Variants in TMED9 observed in about 807,000 individuals in gnomAD.
TMED9 encodes the protein transmembrane emp24 domain-containing protein 9.
Under a neutral mutation model 30.6 loss-of-function variants are expected in TMED9, and 22 were observed. The ratio of observed to expected loss-of-function variants is 0.72; its 90% CI spans 0.51 to 1.03. The LOEUF is 1.03. TMED9 is among the 50% of genes least tolerant of loss of function. The pLI, the probability that TMED9 is intolerant of heterozygous loss-of-function variation, is 0.00. For synonymous variants in TMED9, 146 were observed against 122.8 expected, an observed-to-expected ratio of 1.19 and a Z score of -1.25; for missense variants, 251 against 302.1, an observed-to-expected ratio of 0.83 and a Z score of 1.25.
At chr5:177,594,972 C>T (rs1165824884) in intron 4 of TMED9, among the ~76,000 whole-genome samples, 4 of 152,198 alleles carry the variant, frequency 2.6e-5, no homozygotes, top group African/African-American at 9.6e-5. Context: ...AGCAAGTCCA[C>T]TCCTGTGTGC....
chr5:177,593,538 G>C (rs141565270), intron 2 of TMED9, 112 bp from the exon 3 acceptor site: 139 of 1,306,512 alleles, frequency 1.1e-4, no homozygotes, highest in Admixed American at 1.7e-4. Flanking sequence ...AGTGTTGTGA[G>C]GTGCGAAAGG....
intron 1 of TMED9, 59 bp downstream of exon 1, chr5:177,592,457 G>C (rs1300380937): frequency 6.4e-7 from 1 of 1,556,976 alleles, no homozygotes; most frequent in African/African-American, 1.4e-5. Context: ...TGGGGCGGGG[G>C]ATGCGAGACA....
rs753959129 is a variant in TMED9, at chr5:177,592,394, C to T, written c.180C>T (p.Val60=). 1.3e-6 allele frequency: 2 copies of T among 1,597,692 alleles called. No individual in the cohort carries two copies. Residue 60 remains valine, a synonymous_variant, in exon 1 of 5, where the codon GTC becomes GTT. Coordinates refer to ENST00000332598, the MANE Select transcript of TMED9 (RefSeq NM_017510.6). Reference sequence around the variant, plus strand: ...AGGAGATCCCGGACGAGACCATGGTCATAGGTGCGGGGGCGGGGAGGAAGG... The same window carrying T: ...AGGAGATCCCGGACGAGACCATGGTTATAGGTGCGGGGGCGGGGAGGAAGG... The part of the protein sequence containing the change: ...FIEEIPDETM[V]IGNYRTQLYD...
chr5:177,595,543 C>T lies in TMED9; in HGVS notation c.*127C>T, dbSNP rs2127507945. On this transcript the variant is annotated 3_prime_UTR_variant, in exon 5 of 5. Coordinates refer to ENST00000332598, the MANE Select transcript of TMED9 (RefSeq NM_017510.6). Reference sequence around the variant, plus strand: ...CTGGAAGGGAGAGGGGCTGGAGGCACCCACAGGCACAAGCTGAAGGCAGCA... The same window carrying T: ...CTGGAAGGGAGAGGGGCTGGAGGCATCCACAGGCACAAGCTGAAGGCAGCA... The T allele has an allele frequency of 3.4e-6, 4 of 1,167,916 alleles. No homozygotes were observed. Among genetic ancestry groups the T allele is most frequent in the Middle Eastern group, 2.3e-4 (1 of 4,444 alleles). 72.3% of individuals were successfully genotyped at this position (1,167,916 alleles called of 1,614,324 possible).
intron 4 of TMED9, among the ~76,000 whole-genome samples, chr5:177,594,682 C>T (rs150564158): frequency 1.4e-4 from 22 of 152,362 alleles, no homozygotes; most frequent in African/African-American, 4.3e-4. Context: ...TTCAGTGTCA[C>T]CTGGGGGCTT....
Position 177,592,693 on chromosome 5 carries a change from CT to C in TMED9, c.285+19del, listed in dbSNP as rs750691701. ...AGGACAAGGTGAGCCAACCGCCCCC[CT>C]CCTCTCCGCCAGCCTCTCAGCTAGG... On this transcript the variant is annotated intron_variant, in intron 2 of 4. Coordinates refer to ENST00000332598, the MANE Select transcript of TMED9 (RefSeq NM_017510.6). 453 of 1,547,796 alleles carry C rather than the reference CT, an allele frequency of 2.9e-4. 1 individual carries two copies. The African/African-American group carries it at 5.7e-3, about 19-fold the overall frequency.
rs758158579 is a variant in TMED9 at position 177,592,407 on chromosome 5, G to A, written c.184+9G>A. The A allele has an allele frequency of 8.8e-6, 14 of 1,591,050 alleles. No homozygotes were observed. The South Asian group carries it at 1.5e-4, about 17-fold the overall frequency. ...CGAGACCATGGTCATAGGTGCGGGG[G>A]CGGGGAGGAAGGGGCGAGTTTGGAA... On this transcript the variant is annotated intron_variant, in intron 1 of 4. Transcript: ENST00000332598.
Position 177,595,375 on chromosome 5 carries a change from C to G in TMED9, c.667C>G (p.Arg223Gly). The G allele has an allele frequency of 6.2e-7, 1 of 1,612,606 alleles. No individual in the cohort carries two copies. The highest frequency in any genetic ancestry group is 8.5e-7 in the Non-Finnish European group (1 of 1,178,946). The stretch of plus-strand genomic sequence containing the variant: ...CGTGGCCATCGGTGTCTGGCAGATG[C>G]GGCACCTCAAGAGCTTCTTTGAAGC... ...ILVAIGVWQM[R>G]HLKSFFEAKK... The change falls in exon 5 of 5, where the codon CGG becomes GGG. Residue 223 changes from arginine to glycine, a missense_variant. By Grantham distance (125) the Arg-to-Gly change is moderately radical (BLOSUM62 -2). Transcript: ENST00000332598.
At chr5:177,593,487 C>G (rs776775254) in intron 2 of TMED9, 163 bp from the exon 3 acceptor site, 74 of 860,136 alleles carry the variant, frequency 8.6e-5, no homozygotes, top group Non-Finnish European at 1.2e-4. Context: ...AGTTCTCACA[C>G]AAGCATATGG....
At chr5:177,593,155 C>CAAAAAAAA (rs56909658) in intron 2 of TMED9, 1 of 95,726 alleles carries the variant, frequency 1.0e-5, no homozygotes, top group African/African-American at 4.1e-5. Flanking sequence ...AGTAAAAATA[C>CAAAAAAAA]AAAAAAAAAA....
intron 4 of TMED9, 34 bp downstream of exon 4, chr5:177,594,319 C>T: frequency 6.2e-7 from 1 of 1,609,080 alleles, no homozygotes. Context: ...TGGGCTTCTC[C>T]CTAGAAGCTG....
rs764462207 is a variant in TMED9 at position 177,597,099 on chromosome 5, A to G, written c.*1683A>G. Among the ~76,000 whole-genome samples, 2 of 136,756 alleles carry G rather than the reference A, an allele frequency of 1.5e-5. No homozygotes were observed. The highest frequency in any genetic ancestry group is 3.1e-5 in the Non-Finnish European group (2 of 64,514). 89.7% of individuals were successfully genotyped at this position (136,756 alleles called of 152,430 possible). ...GCAATCTGGGCTCATGCTGCCAACT[A>G]ATTCTTCCACATGAAAAAAAAAAGT... On this transcript the variant is annotated 3_prime_UTR_variant, in exon 5 of 5. Coordinates refer to ENST00000332598, the MANE Select transcript of TMED9 (RefSeq NM_017510.6).
chr5:177,594,217 T>C lies in TMED9; in HGVS notation c.490T>C (p.Leu164=), dbSNP rs544164322. The change falls in exon 4 of 5, where the codon TTG becomes CTG. Residue 164 remains leucine, a synonymous_variant. Coordinates refer to ENST00000332598, the MANE Select transcript of TMED9 (RefSeq NM_017510.6). ...EIAAKDKLSE[L]QLRVRQLVEQ... ...TGCTGCTAAAGACAAGTTGAGTGAG[T>C]TGCAGCTACGAGTGCGACAGCTGGT... 6.2e-7 allele frequency: 1 copy of C among 1,614,114 alleles called. No homozygotes were observed. Among genetic ancestry groups the C allele is most frequent in the East Asian group, 2.2e-5 (1 of 44,886 alleles).
intron 3 of TMED9, 74 bp downstream of exon 3, chr5:177,593,849 G>A (rs1767636802): frequency 1.3e-6 from 2 of 1,582,348 alleles, no homozygotes; most frequent in African/African-American, 1.3e-5. Flanking sequence ...TGGTGGTGCT[G>A]TGGGTGTGAG....
Position 177,595,767 on chromosome 5 carries a change from C to T in TMED9, c.*351C>T, listed in dbSNP as rs1767679034. 1.3e-5 allele frequency: 2 copies of T among 158,584 alleles called. No homozygotes were observed. Among genetic ancestry groups the T allele is most frequent in the Admixed American group, 1.3e-4 (2 of 15,596 alleles). The allele number at this position is 158,584 out of a possible 1,614,324, so 9.8% of individuals were successfully genotyped here. On this transcript the variant is annotated 3_prime_UTR_variant, in exon 5 of 5. Coordinates refer to ENST00000332598, the MANE Select transcript of TMED9 (RefSeq NM_017510.6). ...ATGGGCAGGCAAGCCAGTCTTCTGTCTTCCTTTGCTAACTTAGGGTTTTGA... is the reference window on the plus strand; with the variant it reads ...ATGGGCAGGCAAGCCAGTCTTCTGTTTTCCTTTGCTAACTTAGGGTTTTGA...
rs757738789 is a variant in TMED9 at position 177,594,227 on chromosome 5, G to A, written c.500G>A (p.Arg167Gln). The part of the protein sequence containing the change: ...AKDKLSELQL[R>Q]VRQLVEQVEQ... ...GACAAGTTGAGTGAGTTGCAGCTAC[G>A]AGTGCGACAGCTGGTGGAACAAGTG... is the stretch of plus-strand genomic sequence containing the variant. Residue 167 changes from arginine to glutamine, a missense_variant, in exon 4 of 5, where the codon CGA becomes CAA. Transcript: ENST00000332598. 1.8e-5 allele frequency: 29 copies of A among 1,614,106 alleles called. No individual in the cohort carries two copies. Among genetic ancestry groups the A allele is most frequent in the Admixed American group, 5.0e-5 (3 of 60,006 alleles).
chr5:177,592,809 C>G (rs1767615780), intron 2 of TMED9, 134 bp downstream of exon 2: 2 of 662,420 alleles, frequency 3.0e-6, no homozygotes, highest in Non-Finnish European at 5.3e-6. Context: ...GACTTGCAGA[C>G]CCCGCCCGGT....
Position 177,595,576 on chromosome 5 carries a change from T to C in TMED9, c.*160T>C. 1 of 850,892 alleles carries C rather than the reference T, an allele frequency of 1.2e-6. No homozygotes were observed. The highest frequency in any genetic ancestry group is 3.0e-5 in the Admixed American group (1 of 33,226). The allele number at this position is 850,892 out of a possible 1,614,324, so 52.7% of individuals were successfully genotyped here. A position where few individuals can be genotyped will look rare whatever the true frequency, so the allele number is the denominator to read the frequency against. ...CACAAGCTGAAGGCAGCAGCTTGGC[T>C]AATACTGAGCAGGTAGTGGGGCAAA... On this transcript the variant is annotated 3_prime_UTR_variant, in exon 5 of 5. Transcript: ENST00000332598.
rs955638105 is a variant in TMED9, at chr5:177,592,686, C to A, written c.285+11C>A. On this transcript the variant is annotated intron_variant, in intron 2 of 4. Transcript: ENST00000332598. ...GACCCAGAGGACAAGGTGAGCCAAC[C>A]GCCCCCCTCCTCTCCGCCAGCCTCT... The A allele has an allele frequency of 2.8e-6, 4 of 1,415,034 alleles. No individual in the cohort carries two copies. The highest frequency in any genetic ancestry group is 3.9e-6 in the Non-Finnish European group (4 of 1,032,134). The allele number at this position is 1,415,034 out of a possible 1,614,324, so 87.7% of individuals were successfully genotyped here.
Sources: allele counts gnomAD v4.1 joint callset (sites outside exome capture counted in the v4.1 genomes callset), GRCh38; gene constraint gnomAD v4.1.1; transcripts MANE v1.5; gene names NCBI Gene and HGNC (gene_info 2026-07-23, HGNC 2026-07-21).